The following CACNA1D variants were observed in gnomAD, a reference collection of about 807,000 sequenced individuals.
CACNA1D encodes the protein calcium voltage-gated channel subunit alpha1 D.
In CACNA1D, 55 loss-of-function variants were observed where a neutral mutation model predicts 257.1. The ratio of observed to expected loss-of-function variants is 0.21; its 90% CI spans 0.17 to 0.27. The LOEUF (loss-of-function observed/expected upper bound fraction) is 0.27, where lower values mean the gene tolerates loss of function less well. Ranked by LOEUF, CACNA1D falls within the 10% of genes least tolerant of loss-of-function variation. The pLI is 1.00. For synonymous variants in CACNA1D, 980 were observed against 1,014.9 expected (o/e 0.97, Z 0.65); for missense variants, 1,876 against 2,784.0 (o/e 0.67, Z 7.34).
At chr3:53,810,695 C>A (rs2095593351) in intron 47 of CACNA1D, 1 of 315,014 alleles carries the variant, frequency 3.2e-6, no homozygotes, top group South Asian at 2.7e-5. Flanking sequence ...GAGGTGGAGG[C>A]TGCAGTGAGC....
At chr3:53,503,010 G>A (rs904158445) in intron 3 of CACNA1D, among the ~76,000 whole-genome samples, 4 of 152,178 alleles carry the variant, frequency 2.6e-5, no homozygotes, top group African/African-American at 7.2e-5. Flanking sequence ...TCTCCCTTGT[G>A]TGGGAGAGCT....
intron 37 of CACNA1D, among the ~76,000 whole-genome samples, chr3:53,777,318 A>G (rs1236123256): frequency 6.6e-6 from 1 of 152,196 alleles, no homozygotes; most frequent in Non-Finnish European, 1.5e-5. Flanking sequence ...TCCTTTGGCT[A>G]GGACATAAGA....
intron 29 of CACNA1D, among the ~76,000 whole-genome samples, chr3:53,754,220 A>G (rs1267979106): frequency 6.6e-6 from 1 of 152,188 alleles, no homozygotes; most frequent in Non-Finnish European, 1.5e-5. Context: ...ATTTCACTTG[A>G]CTTTAACACA....
chr3:53,680,259 A>G (rs2094417121), intron 8 of CACNA1D, among the ~76,000 whole-genome samples: 1 of 152,216 alleles, frequency 6.6e-6, no homozygotes, highest in Non-Finnish European at 1.5e-5. Flanking sequence ...CCCTGGCAAC[A>G]GCAGTGGACA....
chr3:53,752,925 G>T (rs1211717619), intron 28 of CACNA1D, among the ~76,000 whole-genome samples: 1 of 152,186 alleles, frequency 6.6e-6, no homozygotes, highest in African/African-American at 2.4e-5. Context: ...GGTATTAACA[G>T]CGAATGTTTT....
rs149416995 is a variant in CACNA1D at position 53,811,261 on chromosome 3, G to T, written c.6341G>T (p.Arg2114Leu). ...CTGCTTAATGGGAACGTGCGTCCCCGAGCCAACGGGGATGTGGGCCCCCTC... is the reference window on the plus strand; with the variant it reads ...CTGCTTAATGGGAACGTGCGTCCCCTAGCCAACGGGGATGTGGGCCCCCTC... ...STLLNGNVRP[R>L]ANGDVGPLSH... Residue 2114 changes from arginine (R) to leucine (L), a missense_variant, in exon 48 of 48, where the codon CGA (arginine) becomes CTA (leucine). By Grantham distance (102) the Arg-to-Leu change is moderately radical (BLOSUM62 -2). Transcript: ENST00000350061. This position sits in a 1 kb window ranked among gnomAD's most constrained non-coding sequence, Gnocchi z 4.2. The T allele has an allele frequency of 6.4e-5, 104 of 1,613,940 alleles. No homozygotes were observed. In the African/African-American group the frequency reaches 1.2e-3, roughly 19 times the overall value.
At chr3:53,522,068 C>G (rs2091600041) in intron 3 of CACNA1D, among the ~76,000 whole-genome samples, 1 of 151,976 alleles carries the variant, frequency 6.6e-6, no homozygotes, top group Non-Finnish European at 1.5e-5. Flanking sequence ...CCCAGGAGTT[C>G]AAAGTTGCAG....
At chr3:53,625,534 C>T (rs572320860) in intron 3 of CACNA1D, among the ~76,000 whole-genome samples, 7 of 152,286 alleles carry the variant, frequency 4.6e-5, no homozygotes, top group African/African-American at 1.7e-4. Flanking sequence ...AAGATGTGCT[C>T]TTCTGGGATT....
chr3:53,788,292 G>A (rs3774598), intron 40 of CACNA1D, among the ~76,000 whole-genome samples: 3,464 of 152,212 alleles, frequency 0.023, 81 homozygotes, highest in East Asian at 0.12. Context: ...CGGGTTGGCA[G>A]GTGGACCATG....
At chr3:53,590,033 G>A (rs959218526) in intron 3 of CACNA1D, among the ~76,000 whole-genome samples, 1 of 152,200 alleles carries the variant, frequency 6.6e-6, no homozygotes, top group Admixed American at 6.5e-5. Context: ...TTAGATGCTA[G>A]ACCTTTCACC....
rs537702595 is a variant in CACNA1D at position 53,741,667 on chromosome 3, G to A, written c.2811+1328G>A. On this transcript the variant is annotated intron_variant, in intron 21 of 47. Coordinates refer to ENST00000350061, the MANE Select transcript of CACNA1D (RefSeq NM_001128840.3). ...CTTGTTGATGAGGCCTCTGTGGGAG[G>A]GCCTGTGGATGCAGAATGCACAGTG... 2.6e-5 allele frequency among the ~76,000 whole-genome samples: 4 copies of A among 152,200 alleles called. No homozygotes were observed. In the South Asian group the frequency reaches 8.3e-4, roughly 32 times the overall value.
intron 27 of CACNA1D, among the ~76,000 whole-genome samples, chr3:53,749,723 C>T (rs540561738): frequency 2.0e-5 from 3 of 152,348 alleles, no homozygotes; most frequent in East Asian, 3.9e-4. Flanking sequence ...AGAGTGCTTA[C>T]GCCACCTGCC....
intron 8 of CACNA1D, among the ~76,000 whole-genome samples, chr3:53,676,894 C>T (rs1241998413): frequency 6.6e-6 from 1 of 152,148 alleles, no homozygotes; most frequent in African/African-American, 2.4e-5. Context: ...GATCACAGTG[C>T]TCTGTGGGAG....
In CACNA1D at chr3:53,813,071, T is replaced by C. The variant is rs1193526010; in HGVS notation, c.*1665T>C. 1 of 151,884 alleles carries C rather than the reference T, an allele frequency of 6.6e-6. No homozygotes were observed. The highest frequency in any genetic ancestry group is 1.5e-5 in the Non-Finnish European group (1 of 68,018). 9.4% of individuals were successfully genotyped at this position (151,884 alleles called of 1,614,324 possible). A position where few individuals can be genotyped will look rare whatever the true frequency, so the allele number is the denominator to read the frequency against. ...CAGGGATTCCCTGCAATCAAAAAGA[T>C]AGATGATAGGTAGCAATTTTGGTCC... On this transcript the variant is annotated 3_prime_UTR_variant, in exon 48 of 48. Transcript: ENST00000350061.
At chr3:53,780,340 G>T (rs553182226) in intron 38 of CACNA1D, among the ~76,000 whole-genome samples, 88 of 152,266 alleles carry the variant, frequency 5.8e-4, no homozygotes, top group Admixed American at 1.3e-3. Flanking sequence ...GCTTCACTTT[G>T]TCCCAGAATG....
At chr3:53,682,954 G>T (rs539310039) in intron 8 of CACNA1D, among the ~76,000 whole-genome samples, 7 of 152,154 alleles carry the variant, frequency 4.6e-5, no homozygotes, top group Non-Finnish European at 1.0e-4. Context: ...GGTAAACTCC[G>T]CAGTTGTCCT....
At chr3:53,626,658 C>G (rs958787627) in intron 3 of CACNA1D, among the ~76,000 whole-genome samples, 1 of 152,166 alleles carries the variant, frequency 6.6e-6, no homozygotes, top group Admixed American at 6.5e-5. Context: ...GTTTCAGTTT[C>G]AGCTTTAGCC....
intron 3 of CACNA1D, among the ~76,000 whole-genome samples, chr3:53,531,370 TAGAATAG>T (rs149737933): frequency 0.025 from 3,755 of 152,122 alleles, 69 homozygotes; most frequent in South Asian, 0.039. Flanking sequence ...AAAAGTGATA[TAGAATAG>T]AGACTTAAAA....
At position 53,749,485 on chromosome 3, in the gene CACNA1D, T is replaced by C. The variant is rs1251484229; in HGVS notation, c.3516+16T>C. 6.3e-7 allele frequency: 1 copy of C among 1,585,492 alleles called. No homozygotes were observed. The highest frequency in any genetic ancestry group is 8.7e-7 in the Non-Finnish European group (1 of 1,154,098). The stretch of plus-strand genomic sequence containing the variant: ...CAAAAATCAGGTTAAAGTCACACAC[T>C]GTTTTGGCTTCTGTCCCTTGGTCAG... On this transcript the variant is annotated intron_variant, in intron 27 of 47. Coordinates refer to ENST00000350061, the MANE Select transcript of CACNA1D (RefSeq NM_001128840.3).
Sources: allele counts gnomAD v4.1 joint callset (sites outside exome capture counted in the v4.1 genomes callset), GRCh38; gene constraint gnomAD v4.1.1; non-coding constraint Gnocchi (gnomAD v3.1); transcripts MANE v1.5; gene names NCBI Gene and HGNC (gene_info 2026-07-23, HGNC 2026-07-21).